Variants in COA1 observed in about 807,000 individuals in gnomAD.
COA1 encodes cytochrome c oxidase assembly factor 1 homolog.
COA1 carries 13 observed loss-of-function variants against 16.0 expected under a neutral mutation model. The observed-to-expected ratio is 0.81, with a 90% CI of 0.53 to 1.29. The LOEUF (loss-of-function observed/expected upper bound fraction) is 1.29. COA1 is among the 50% of genes most tolerant of loss of function. COA1 has a pLI of 0.00. For missense variants in COA1, 179 were observed against 177.0 expected (o/e 1.01, Z -0.06); for synonymous variants, 65 against 65.7 (o/e 0.99, Z 0.05).
Position 43,648,581 on chromosome 7 carries a change from C to T in COA1, c.15+19G>A. 6.2e-7 allele frequency: 1 copy of T among 1,613,848 alleles called. No individual in the cohort carries two copies. Among genetic ancestry groups the T allele is most frequent in the South Asian group, 1.1e-5 (1 of 91,064 alleles). On this transcript the variant is annotated intron_variant, in intron 2 of 5. Coordinates refer to ENST00000223336, the MANE Select transcript of COA1 (RefSeq NM_018224.4). Reference sequence around the variant, plus strand: ...TGGCAGGTTCTAGTGGGGAACTTGGCCCTGGAACATTCCATTACCTTTTGC... The same window carrying T: ...TGGCAGGTTCTAGTGGGGAACTTGGTCCTGGAACATTCCATTACCTTTTGC...
chr7:43,674,804 T>C (rs2093437079), intron 1 of COA1, among the ~76,000 whole-genome samples: 1 of 152,160 alleles, frequency 6.6e-6, no homozygotes, highest in African/African-American at 2.4e-5. Context: ...AGGACAAACT[T>C]CCTATAACTA....
chr7:43,719,810 A>C (rs1052588530), intron 1 of COA1, among the ~76,000 whole-genome samples: 2 of 152,038 alleles, frequency 1.3e-5, no homozygotes, highest in African/African-American at 4.8e-5. Flanking sequence ...TATTCTCCCC[A>C]CCTCCTCCAA....
intron 1 of COA1, among the ~76,000 whole-genome samples, chr7:43,689,565 C>A (rs1485513593): frequency 2.6e-5 from 4 of 152,192 alleles, no homozygotes; most frequent in Admixed American, 1.3e-4. Context: ...ACTTTCCAGA[C>A]AAACAAAAGC....
At chr7:43,710,326 G>C (rs1310928391) in intron 1 of COA1, among the ~76,000 whole-genome samples, 1 of 117,314 alleles carries the variant, frequency 8.5e-6, no homozygotes, top group Non-Finnish European at 1.7e-5. Flanking sequence ...TCCAGCTTGG[G>C]TGAAAGAGCA....
intron 1 of COA1, among the ~76,000 whole-genome samples, chr7:43,719,883 G>A (rs940847629): frequency 6.6e-6 from 1 of 152,188 alleles, no homozygotes; most frequent in Non-Finnish European, 1.5e-5. Context: ...ACTGGCATGA[G>A]ATGAGACTAT....
intron 1 of COA1, among the ~76,000 whole-genome samples, chr7:43,686,305 C>CTTTTTTTTTT (rs770784003): frequency 7.9e-6 from 1 of 126,110 alleles, no homozygotes; most frequent in African/African-American, 3.0e-5. Context: ...GGCTTTGTTT[C>CTTTTTTTTTT]TTTTTTTTTT....
intron 1 of COA1, among the ~76,000 whole-genome samples, chr7:43,727,637 T>C (rs949615059): frequency 6.6e-6 from 1 of 152,228 alleles, no homozygotes; most frequent in Non-Finnish European, 1.5e-5. Flanking sequence ...TTCACTCACA[T>C]GAATAATCCA....
In COA1 at chr7:43,623,314, T is replaced by TG. The variant is rs1266521505; in HGVS notation, c.*134-13820dup. The TG allele has an allele frequency of 1.5e-5, 6 of 391,336 alleles. No homozygotes were observed. The South Asian group carries it at 2.0e-4, about 13-fold the overall frequency. 24.2% of individuals were successfully genotyped at this position (391,336 alleles called of 1,614,324 possible). On this transcript the variant is annotated intron_variant and NMD_transcript_variant, in intron 6 of 6. Coordinates refer to the COA1 transcript ENST00000415076. ...ACAGAGATTGTCAGTTTATGTTTGG[T>TG]GTTTTTAAAATATTTAAATATTTTG...
At chr7:43,633,048 C>G (rs1178364297) in intron 6 of COA1, 1 of 152,208 alleles carries the variant, frequency 6.6e-6, no homozygotes, top group African/African-American at 2.4e-5. Flanking sequence ...TAGCCCCTGA[C>G]AAGAGTCAGC....
chr7:43,648,073 C>G (rs2089932417), intron 2 of COA1: 1 of 195,194 alleles, frequency 5.1e-6, no homozygotes, highest in African/African-American at 2.3e-5. Flanking sequence ...TCACTGGCTC[C>G]TTTCATATTT....
At chr7:43,685,949 AC>A (rs2094001698) in intron 1 of COA1, among the ~76,000 whole-genome samples, 1 of 152,232 alleles carries the variant, frequency 6.6e-6, no homozygotes, top group African/African-American at 2.4e-5. Flanking sequence ...CCTGGTTGAT[AC>A]AAAAAAATCA....
chr7:43,626,475 C>G (rs2084555659), intron 6 of COA1: 1 of 152,164 alleles, frequency 6.6e-6, no homozygotes, highest in African/African-American at 2.4e-5. Context: ...TTTATTTATA[C>G]AGTTTCCTGG....
chr7:43,667,417 T>C (rs1336362918), intron 1 of COA1, among the ~76,000 whole-genome samples: 3 of 152,232 alleles, frequency 2.0e-5, no homozygotes, highest in Admixed American at 2.0e-4. Context: ...TACTAATATA[T>C]GTTCCCAAAT....
intron 6 of COA1, chr7:43,623,625 G>C: frequency 6.2e-7 from 1 of 1,610,018 alleles, no homozygotes; most frequent in Non-Finnish European, 8.5e-7. Flanking sequence ...TATGTGGTAA[G>C]AGTTATTAAT....
intron 1 of COA1, among the ~76,000 whole-genome samples, chr7:43,688,300 C>T (rs1231451066): frequency 1.3e-5 from 2 of 152,094 alleles, no homozygotes; most frequent in Non-Finnish European, 2.9e-5. Flanking sequence ...GCAATTAATG[C>T]TTATGCCTCA....
intron 1 of COA1, among the ~76,000 whole-genome samples, chr7:43,676,318 AT>A (rs1304250748): frequency 6.6e-6 from 1 of 152,190 alleles, no homozygotes; most frequent in Non-Finnish European, 1.5e-5. Context: ...CTGCAGCACT[AT>A]TCACAATAGC....
intron 2 of COA1, chr7:43,648,398 C>T (rs2090016517): frequency 1.0e-5 from 7 of 681,162 alleles, no homozygotes; most frequent in African/African-American, 1.8e-5. Context: ...CAGCTTCCAA[C>T]GCCAGCATGA....
chr7:43,627,715 C>A (rs2084716764), intron 6 of COA1, among the ~76,000 whole-genome samples: 1 of 152,174 alleles, frequency 6.6e-6, no homozygotes, highest in African/African-American at 2.4e-5. Flanking sequence ...CCTCGAGAGC[C>A]TTAATCACTA....
intron 6 of COA1, chr7:43,624,890 ATAT>A: frequency 6.7e-7 from 1 of 1,487,024 alleles, no homozygotes; most frequent in East Asian, 2.3e-5. Context: ...GAAAATGTTA[ATAT>A]TATTTATGGA....
Sources: allele counts gnomAD v4.1 joint callset (sites outside exome capture counted in the v4.1 genomes callset), GRCh38; gene constraint gnomAD v4.1.1; transcripts MANE v1.5; gene names NCBI Gene and HGNC (gene_info 2026-07-23, HGNC 2026-07-21).